Variants in PCDHGC4 observed in about 807,000 individuals in gnomAD.
PCDHGC4 encodes protocadherin gamma-C4.
In PCDHGC4, 15 loss-of-function variants were observed where a neutral mutation model predicts 59.7. The ratio of observed to expected loss-of-function variants is 0.25; its 90% CI spans 0.17 to 0.39. The LOEUF (loss-of-function observed/expected upper bound fraction) is 0.39. PCDHGC4 is among the 10% of genes least tolerant of loss of function. The probability of loss-of-function intolerance (pLI) is 1.00; values close to 1 mark genes in which losing one functional copy is unlikely to be tolerated. For synonymous variants in PCDHGC4, 434 were observed against 481.4 expected (o/e 0.90, Z 1.29); for missense variants, 1,016 against 1,189.5 (o/e 0.85, Z 2.15).
In PCDHGC4 at chr5:141,486,143, G is replaced by T; in HGVS notation, c.970G>T (p.Asp324Tyr). Residue 324 changes from aspartate to tyrosine, a missense_variant, in exon 1 of 4, where the codon GAT becomes TAT. Physicochemically the swap from Asp to Tyr is radical, Grantham distance 160 (BLOSUM62 -3). Coordinates refer to ENST00000306593, the MANE Select transcript of PCDHGC4 (RefSeq NM_018928.3). This position sits in a 1 kb window ranked among gnomAD's most constrained non-coding sequence, Gnocchi z 5.0. ...CTATGAATTTGATGTGCGGGCTCGC[G>T]ATGGGGGTTCTCCAGCCATGGAGCA... ...NYYEFDVRAR[D>Y]GGSPAMEQHC... 6.2e-7 allele frequency: 1 copy of T among 1,614,198 alleles called. No homozygotes were observed. Among genetic ancestry groups the T allele is most frequent in the Non-Finnish European group, 8.5e-7 (1 of 1,180,030 alleles).
Position 141,493,477 on chromosome 5 carries a change from G to A in PCDHGC4, c.2443-1330G>A, listed in dbSNP as rs1657824440. On this transcript the variant is annotated intron_variant, in intron 1 of 3. Transcript: ENST00000306593. This position sits in a 1 kb window ranked among gnomAD's most constrained non-coding sequence, Gnocchi z 4.3. ...TTCCCTTTTAGGACCTTACATGTGG[G>A]GAAAGTCTTCTGTGGCTCCTCATTT... is the stretch of plus-strand genomic sequence containing the variant. Among the ~76,000 whole-genome samples, 3 of 152,124 alleles carry A rather than the reference G, an allele frequency of 2.0e-5. No individual in the cohort carries two copies. The highest frequency in any genetic ancestry group is 6.5e-5 in the Admixed American group (1 of 15,272).
In PCDHGC4 at chr5:141,489,993, C is replaced by A; in HGVS notation, c.2442+2378C>A. 6.2e-7 allele frequency: 1 copy of A among 1,614,186 alleles called. No individual in the cohort carries two copies. The highest frequency in any genetic ancestry group is 1.1e-5 in the South Asian group (1 of 91,088). On this transcript the variant is annotated intron_variant, in intron 1 of 3. Transcript: ENST00000306593. The surrounding 1 kb of genome is among the most constrained non-coding windows in gnomAD (Gnocchi z 4.5). ...AATCCTCAGTTCTACGTGTGGGAATCCCAGAGAATGCACCCATTGGTACTC... is the reference window on the plus strand; with the variant it reads ...AATCCTCAGTTCTACGTGTGGGAATACCAGAGAATGCACCCATTGGTACTC...
chr5:141,497,187 G>T (rs1475463841), intron 2 of PCDHGC4, among the ~76,000 whole-genome samples: 2 of 139,586 alleles, frequency 1.4e-5, no homozygotes, highest in Non-Finnish European at 3.0e-5. Flanking sequence ...GTTCTGAGAG[G>T]CAGAGAACAA....
At chr5:141,508,906 G>A (rs2099872897) in intron 3 of PCDHGC4, among the ~76,000 whole-genome samples, 1 of 152,092 alleles carries the variant, frequency 6.6e-6, no homozygotes, top group Non-Finnish European at 1.5e-5. Context: ...CGGGGCGGTG[G>A]CGGATCTGGC....
rs1333419586 is a variant in PCDHGC4 at position 141,485,206 on chromosome 5, C to T, written c.33C>T (p.Ile11=). 1 of 1,614,116 alleles carries T rather than the reference C, an allele frequency of 6.2e-7. No individual in the cohort carries two copies. The highest frequency in any genetic ancestry group is 8.5e-7 in the Non-Finnish European group (1 of 1,179,946). The part of the protein sequence containing the change: MLRKVRSWTE[I]WRWATLLFLF... ...GCAAGGTGAGAAGCTGGACAGAAAT[C>T]TGGCGGTGGGCTACCCTTTTGTTCC... The change falls in exon 1 of 4, where the codon ATC becomes ATT. Residue 11 remains isoleucine (I), a synonymous_variant. Coordinates refer to ENST00000306593, the MANE Select transcript of PCDHGC4 (RefSeq NM_018928.3). The surrounding 1 kb of genome is among the most constrained non-coding windows in gnomAD (Gnocchi z 5.7).
chr5:141,485,172 CA>C lies in PCDHGC4; in HGVS notation c.1del. 6.2e-7 allele frequency: 1 copy of C among 1,610,166 alleles called. No individual in the cohort carries two copies. Among genetic ancestry groups the C allele is most frequent in the Non-Finnish European group, 8.5e-7 (1 of 1,176,940 alleles). On this transcript the variant is annotated 5_prime_UTR_variant, in exon 1 of 4. Coordinates refer to ENST00000306593, the MANE Select transcript of PCDHGC4 (RefSeq NM_018928.3). The surrounding 1 kb of genome is among the most constrained non-coding windows in gnomAD (Gnocchi z 5.7). ...CAAGTAGAGAATTAGCGGGCGGCAG[CA>C]ATGCTCCGCAAGGTGAGAAGCTGGA...
chr5:141,510,069 CCAGCAGAGTGCCTGG>C (rs994886462), intron 3 of PCDHGC4, among the ~76,000 whole-genome samples: 12 of 152,260 alleles, frequency 7.9e-5, no homozygotes, highest in Admixed American at 7.8e-4. Context: ...TGTGAAGCAT[CCAGCAGAGTGCCTGG>C]CACACAGTAG....
Position 141,491,205 on chromosome 5 carries a change from A to G in PCDHGC4, c.2442+3590A>G, listed in dbSNP as rs2233609. 2,395 of 1,613,578 alleles carry G rather than the reference A, an allele frequency of 1.5e-3. 36 individuals are homozygous for G. The African/African-American group carries it at 0.028, about 19-fold the overall frequency. On this transcript the variant is annotated intron_variant, in intron 1 of 3. Coordinates refer to ENST00000306593, the MANE Select transcript of PCDHGC4 (RefSeq NM_018928.3). This position sits in a 1 kb window ranked among gnomAD's most constrained non-coding sequence, Gnocchi z 6.9. The stretch of plus-strand genomic sequence containing the variant: ...TGGTGAGGGACAATGGTGACCCTTC[A>G]CTCTCCTCCACAGCCACAGTGCTGC...
intron 2 of PCDHGC4, among the ~76,000 whole-genome samples, chr5:141,500,844 T>C (rs190011905): frequency 6.6e-6 from 1 of 152,204 alleles, no homozygotes; most frequent in Non-Finnish European, 1.5e-5. Flanking sequence ...AATGGGCTTT[T>C]GCTACATTAG....
chr5:141,509,684 C>G (rs572295300), intron 3 of PCDHGC4, among the ~76,000 whole-genome samples: 139 of 152,310 alleles, frequency 9.1e-4, no homozygotes, highest in Admixed American at 3.7e-3. Flanking sequence ...TTCTTCTGTA[C>G]AGTGGGACGT....
chr5:141,501,508 C>A (rs1378333182), intron 2 of PCDHGC4, among the ~76,000 whole-genome samples: 1 of 151,960 alleles, frequency 6.6e-6, no homozygotes, highest in Non-Finnish European at 1.5e-5. Flanking sequence ...GGCTCCAAGG[C>A]CTCCAAGCTG....
intron 1 of PCDHGC4, 79 bp from the exon 2 acceptor site, chr5:141,494,728 C>T (rs2099756337): frequency 1.2e-6 from 2 of 1,609,984 alleles, no homozygotes; most frequent in Admixed American, 3.3e-5. Context: ...TCCTTCTCTC[C>T]CGGCCCATCC....
chr5:141,506,207 TTGGGAAGCTGAG>T (rs1487107822), intron 3 of PCDHGC4, among the ~76,000 whole-genome samples: 1 of 152,020 alleles, frequency 6.6e-6, no homozygotes, highest in Non-Finnish European at 1.5e-5. Flanking sequence ...TCCCAGCACT[TTGGGAAGCTGAG>T]GCAGGAGGAT....
chr5:141,497,840 C>T (rs1326804289), intron 2 of PCDHGC4, among the ~76,000 whole-genome samples: 1 of 152,154 alleles, frequency 6.6e-6, no homozygotes, highest in Non-Finnish European at 1.5e-5. Context: ...CCGGCCACAA[C>T]AAACATTTTT....
intron 3 of PCDHGC4, among the ~76,000 whole-genome samples, chr5:141,509,139 A>G (rs1042555376): frequency 2.6e-5 from 4 of 152,140 alleles, no homozygotes; most frequent in African/African-American, 9.7e-5. Flanking sequence ...ACCGAGGCGC[A>G]TCCCGGCTCT....
Position 141,486,362 on chromosome 5 carries a change from C to A in PCDHGC4, c.1189C>A (p.Leu397Ile). Residue 397 changes from leucine to isoleucine, a missense_variant, in exon 1 of 4, where the codon CTC becomes ATC. Coordinates refer to ENST00000306593, the MANE Select transcript of PCDHGC4 (RefSeq NM_018928.3). The surrounding 1 kb of genome is among the most constrained non-coding windows in gnomAD (Gnocchi z 5.0). ...CATTCCTGACCACTTGCCATTTGCC[C>A]TCAAGTCTGCCTTCAGGAACCAGTT... ...LRIPDHLPFA[L>I]KSAFRNQFSL... The A allele has an allele frequency of 6.2e-7, 1 of 1,614,132 alleles. No individual in the cohort carries two copies. The highest frequency in any genetic ancestry group is 1.7e-5 in the Admixed American group (1 of 60,024).
chr5:141,504,161 T>C (rs931754061), intron 2 of PCDHGC4, among the ~76,000 whole-genome samples: 1 of 152,196 alleles, frequency 6.6e-6, no homozygotes, highest in Non-Finnish European at 1.5e-5. Context: ...AATAATTTCA[T>C]CCTTGGAAAT....
chr5:141,485,737 C>T lies in PCDHGC4; in HGVS notation c.564C>T (p.Gly188=). The change falls in exon 1 of 4, where the codon GGC becomes GGT. Residue 188 remains glycine, a synonymous_variant. Coordinates refer to ENST00000306593, the MANE Select transcript of PCDHGC4 (RefSeq NM_018928.3). The surrounding 1 kb of genome is among the most constrained non-coding windows in gnomAD (Gnocchi z 5.7). ...TGGATGTGAAGAAGCGCAGCGACGGCAGCCTGGTCCCAGAGCTGCTCCTGG... is the reference window on the plus strand; with the variant it reads ...TGGATGTGAAGAAGCGCAGCGACGGTAGCCTGGTCCCAGAGCTGCTCCTGG... ...FALDVKKRSD[G]SLVPELLLEK... 6.2e-7 allele frequency: 1 copy of T among 1,614,222 alleles called. No individual in the cohort carries two copies. Among genetic ancestry groups the T allele is most frequent in the Non-Finnish European group, 8.5e-7 (1 of 1,180,036 alleles).
At position 141,505,504 on chromosome 5, in the gene PCDHGC4, T is replaced by C. The variant is rs756583857; in HGVS notation, c.2590+23T>C. The C allele has an allele frequency of 9.3e-6, 15 of 1,614,020 alleles. No individual in the cohort carries two copies. The African/African-American group carries it at 1.2e-4, about 13-fold the overall frequency. ...GTGGTAAGTGGTGTCAGTGTGTGTA[T>C]GGAAGAGTGGGAGACCTGGGGTTCT... On this transcript the variant is annotated intron_variant, in intron 3 of 3. Transcript: ENST00000306593.
Sources: gnomAD v4.1 joint callset for allele counts (sites outside exome capture counted in the v4.1 genomes callset) on GRCh38, gnomAD v4.1.1 for gene constraint, Gnocchi (gnomAD v3.1) non-coding constraint, MANE v1.5 for transcripts, NCBI Gene and HGNC (gene_info 2026-07-23, HGNC 2026-07-21) for gene names.